The following PIAS3 variants were observed in gnomAD, a reference collection of about 807,000 sequenced individuals.
PIAS3 encodes the protein E3 SUMO-protein ligase PIAS3.
PIAS3 carries 34 observed loss-of-function variants against 67.6 expected under a neutral mutation model. The ratio of observed to expected loss-of-function variants is 0.50; its 90% CI spans 0.38 to 0.67. The LOEUF (loss-of-function observed/expected upper bound fraction) is 0.67. PIAS3 is among the 30% of genes least tolerant of loss of function. PIAS3 has a pLI of 0.00. For synonymous variants in PIAS3, 341 were observed against 313.8 expected (o/e 1.09, Z -0.92); for missense variants, 693 against 791.6 (o/e 0.88, Z 1.49).
chr1:145,853,912 A>T, intron 7 of PIAS3, 26 bp from the exon 8 acceptor site: 1 of 1,607,782 alleles, frequency 6.2e-7, no homozygotes, highest in Non-Finnish European at 8.5e-7. Flanking sequence ...GGCCAGAGCC[A>T]TGGGGTCAGC....
At chr1:145,849,791 T>C (rs1652881055) in intron 13 of PIAS3, 79 bp from the exon 14 acceptor site, 2 of 1,504,506 alleles carry the variant, frequency 1.3e-6, no homozygotes, top group Admixed American at 2.3e-5. Context: ...AGAAATGCCG[T>C]ATGAGAGCAA....
At position 145,848,678 on chromosome 1, in the gene PIAS3, G is replaced by A. The variant is rs924879658; in HGVS notation, c.*768C>T. The A allele has an allele frequency of 1.6e-5, 9 of 565,914 alleles. No individual in the cohort carries two copies. The South Asian group carries it at 1.8e-4, about 11-fold the overall frequency. 35.1% of individuals were successfully genotyped at this position (565,914 alleles called of 1,614,324 possible). A position where few individuals can be genotyped will look rare whatever the true frequency, so the allele number is the denominator to read the frequency against. On this transcript the variant is annotated 3_prime_UTR_variant, in exon 14 of 14. Coordinates refer to ENST00000393045, the MANE Select transcript of PIAS3 (RefSeq NM_006099.3). ...CCACCTCCCTGGAAAGGTGCAGAATGAGCCAGGCCTAACTACAGGGCCATG... is the reference window on the plus strand; with the variant it reads ...CCACCTCCCTGGAAAGGTGCAGAATAAGCCAGGCCTAACTACAGGGCCATG...
In PIAS3 at chr1:145,848,721, G is replaced by T. The variant is rs782066467; in HGVS notation, c.*725C>A. The T allele has an allele frequency of 1.2e-4, 52 of 424,590 alleles. No individual in the cohort carries two copies. The highest frequency in any genetic ancestry group is 8.0e-4 in the Admixed American group (16 of 19,886). The allele number at this position is 424,590 out of a possible 1,614,324, so 26.3% of individuals were successfully genotyped here. A position where few individuals can be genotyped will look rare whatever the true frequency, so the allele number is the denominator to read the frequency against. Reference sequence around the variant, plus strand: ...GGGCCATGAGCCTCTAGAAGCTTAGGGGGGAATAAGAAACACTGTGAACTT... The same window carrying T: ...GGGCCATGAGCCTCTAGAAGCTTAGTGGGGAATAAGAAACACTGTGAACTT... On this transcript the variant is annotated 3_prime_UTR_variant, in exon 14 of 14. Coordinates refer to ENST00000393045, the MANE Select transcript of PIAS3 (RefSeq NM_006099.3).
At chr1:145,857,336 C>T (rs150683336) in intron 1 of PIAS3, 267 of 372,032 alleles carry the variant, frequency 7.2e-4, no homozygotes, top group African/African-American at 4.8e-3. Flanking sequence ...TGCAGCCTCC[C>T]GCCTCCATCC....
Position 145,856,845 on chromosome 1 carries a change from T to C in PIAS3, c.186A>G (p.Arg62=), listed in dbSNP as rs1553735752. 6 of 1,614,046 alleles carry C rather than the reference T, an allele frequency of 3.7e-6. No homozygotes were observed. The highest frequency in any genetic ancestry group is 5.1e-6 in the Non-Finnish European group (6 of 1,179,978). ...SVQMKIKELY[R]RRFPRKTLGP... Reference sequence around the variant, plus strand: ...CCAGGGTCTTCCGGGGAAAGCGTCGTCGGTAAAGCTCTTTGATCTTCATCT... The same window carrying C: ...CCAGGGTCTTCCGGGGAAAGCGTCGCCGGTAAAGCTCTTTGATCTTCATCT... Residue 62 remains arginine (R), a synonymous_variant, in exon 2 of 14, where the codon CGA becomes CGG. Transcript: ENST00000393045.
chr1:145,854,116 G>A, intron 7 of PIAS3: 1 of 598,716 alleles, frequency 1.7e-6, no homozygotes, highest in Non-Finnish European at 3.0e-6. Flanking sequence ...CTCTGGCTAT[G>A]TTAGAGATGA....
chr1:145,850,867 G>C lies in PIAS3; in HGVS notation c.1352C>G (p.Thr451Arg). The change falls in exon 11 of 14, where the codon ACA (threonine) becomes AGA (arginine). Residue 451 changes from threonine (T) to arginine (R), a missense_variant. Around this residue, in one of 3 missense-constraint regions of PIAS3, gnomAD observed 270 missense variants for 261.0 expected, o/e 1.03. Transcript: ENST00000393045. The part of the protein sequence containing the change: ...NKKKVEVIDL[T>R]IESSSDEEDL... ...CTCCTCATCTGATGAGCTTTCTATTGTCAAGTCAATAACTTCGACCTTCTT... is the reference window on the plus strand; with the variant it reads ...CTCCTCATCTGATGAGCTTTCTATTCTCAAGTCAATAACTTCGACCTTCTT... 1 of 1,614,166 alleles carries C rather than the reference G, an allele frequency of 6.2e-7. No individual in the cohort carries two copies. Among genetic ancestry groups the C allele is most frequent in the Non-Finnish European group, 8.5e-7 (1 of 1,180,000 alleles).
chr1:145,854,958 C>G, intron 5 of PIAS3, 78 bp from the exon 6 acceptor site: 1 of 1,550,990 alleles, frequency 6.4e-7, no homozygotes, highest in South Asian at 1.2e-5. Flanking sequence ...GATATCTTGT[C>G]TCGGGTTATT....
rs1474526018 is a variant in PIAS3 at position 145,850,386 on chromosome 1, AG to A, written c.1582+66del. ...GAAGCAGGAGGCTTTGAGAAGGAAC[AG>A]GGGTTCTGATGTAGCTCTGGGGAGG... On this transcript the variant is annotated intron_variant, in intron 12 of 13. Transcript: ENST00000393045. 3.1e-6 allele frequency: 5 copies of A among 1,611,128 alleles called. No homozygotes were observed. In the African/African-American group the frequency reaches 6.7e-5, roughly 22 times the overall value.
At chr1:145,851,337 A>G in intron 9 of PIAS3, 184 bp from the exon 10 acceptor site, 1 of 656,888 alleles carries the variant, frequency 1.5e-6, no homozygotes, top group Non-Finnish European at 2.7e-6. Context: ...AGAGCTTTGC[A>G]AAGTAAGTAA....
intron 1 of PIAS3, chr1:145,857,327 G>A (rs149759466): frequency 6.8e-4 from 263 of 386,150 alleles, no homozygotes; most frequent in African/African-American, 4.7e-3. Context: ...CCGAGTCCAT[G>A]CAGCCTCCCG....
chr1:145,849,546 A>C lies in PIAS3; in HGVS notation c.1787T>G (p.Ile596Ser). The C allele has an allele frequency of 6.2e-7, 1 of 1,603,414 alleles. No homozygotes were observed. Among genetic ancestry groups the C allele is most frequent in the African/African-American group, 1.3e-5 (1 of 74,582 alleles). Residue 596 changes from isoleucine (I) to serine (S), a missense_variant, in exon 14 of 14, where the codon ATT (isoleucine) becomes AGT (serine). Ile to Ser is a moderately radical substitution (Grantham distance 142). Coordinates refer to ENST00000393045, the MANE Select transcript of PIAS3 (RefSeq NM_006099.3). ...PAPPPGRVSS[I>S]VAPGGALREG... ...CCTCAAGGCCCCCCCAGGGGCCACAATGCTGCTGACACGGCCAGGAGGGGG... is the reference window on the plus strand; with the variant it reads ...CCTCAAGGCCCCCCCAGGGGCCACACTGCTGCTGACACGGCCAGGAGGGGG...
chr1:145,852,291 A>C (rs1481019699), intron 9 of PIAS3, among the ~76,000 whole-genome samples: 1 of 152,170 alleles, frequency 6.6e-6, no homozygotes, highest in Non-Finnish European at 1.5e-5. Context: ...GTGGGGGAGC[A>C]CTGGGAACAG....
rs587672910 is a variant in PIAS3 at position 145,853,865 on chromosome 1, T to C, written c.932A>G (p.Asp311Gly). The change falls in exon 8 of 14, where the codon GAC becomes GGC. Residue 311 changes from aspartate (D) to glycine (G), a missense_variant. Around this residue, in one of 3 missense-constraint regions of PIAS3, gnomAD observed 115 missense variants for 181.8 expected, o/e 0.63. Coordinates refer to ENST00000393045, the MANE Select transcript of PIAS3 (RefSeq NM_006099.3). ...RALIKEKLTADPDSEVATTSL... is the reference protein window; with the variant it reads ...RALIKEKLTAGPDSEVATTSL... ...TGTAGTGGCCACCTCACTGTCAGGG[T>C]CAGCAGTCAATTTCTCCTTGACTGA... is the stretch of plus-strand genomic sequence containing the variant. 6.2e-7 allele frequency: 1 copy of C among 1,614,000 alleles called. No individual in the cohort carries two copies. The highest frequency in any genetic ancestry group is 1.1e-5 in the South Asian group (1 of 91,072).
At chr1:145,849,801 A>G (rs1652881450) in intron 13 of PIAS3, 89 bp from the exon 14 acceptor site, 2 of 1,498,972 alleles carry the variant, frequency 1.3e-6, no homozygotes, top group Non-Finnish European at 1.8e-6. Context: ...TATGAGAGCA[A>G]TCAACCCCTG....
intron 13 of PIAS3, 136 bp from the exon 14 acceptor site, chr1:145,849,848 C>T (rs1189973392): frequency 2.0e-6 from 3 of 1,477,102 alleles, no homozygotes; most frequent in Non-Finnish European, 8.9e-7. Context: ...GCAGGAGAGC[C>T]TCTCCCTCTT....
At chr1:145,854,961 G>A (rs138485468) in intron 5 of PIAS3, 81 bp from the exon 6 acceptor site, 146 of 1,537,596 alleles carry the variant, frequency 9.5e-5, no homozygotes, top group Non-Finnish European at 1.2e-4. Context: ...ATCTTGTCTC[G>A]GGTTATTCAA....
intron 1 of PIAS3, among the ~76,000 whole-genome samples, chr1:145,857,683 C>G (rs781846653): frequency 1.6e-4 from 25 of 152,330 alleles, no homozygotes; most frequent in South Asian, 6.2e-4. Context: ...ACAACTTAGT[C>G]CTATTTTTCT....
chr1:145,850,216 A>G lies in PIAS3; in HGVS notation c.1620+16T>C, dbSNP rs1341060295. ...GCTTCAGAGATCTGAGACCTTCTGA[A>G]GAAAGAACCACTTACCTGACTCTCT... On this transcript the variant is annotated intron_variant, in intron 13 of 13. Coordinates refer to ENST00000393045, the MANE Select transcript of PIAS3 (RefSeq NM_006099.3). 2 of 1,612,968 alleles carry G rather than the reference A, an allele frequency of 1.2e-6. No homozygotes were observed. Among genetic ancestry groups the G allele is most frequent in the African/African-American group, 1.3e-5 (1 of 74,914 alleles).
Sources: gnomAD v4.1 joint callset for allele counts (sites outside exome capture counted in the v4.1 genomes callset) on GRCh38, gnomAD v4.1.1 for gene constraint, gnomAD v4.1.1 regional missense constraint, MANE v1.5 for transcripts, NCBI Gene and HGNC (gene_info 2026-07-23, HGNC 2026-07-21) for gene names.